The following SGCZ variants were observed in gnomAD, a reference collection of about 807,000 sequenced individuals.
The protein encoded by SGCZ is sarcoglycan zeta.
Under a neutral mutation model 41.3 loss-of-function variants are expected in SGCZ, and 40 were observed. The ratio of observed to expected loss-of-function variants is 0.97; its 90% confidence interval spans 0.75 to 1.26. SGCZ has a LOEUF of 1.26. SGCZ is among the 50% of genes most tolerant of loss of function. The probability of loss-of-function intolerance (pLI) is 0.00; values close to 1 mark genes in which losing one functional copy is unlikely to be tolerated. For missense variants in SGCZ, 552 were observed against 369.8 expected (o/e 1.49, Z -4.04); for synonymous variants, 206 against 137.5 (o/e 1.50, Z -3.49).
chr8:14,977,311 G>A (rs13340563), intron 1 of SGCZ, among the ~76,000 whole-genome samples: 5,304 of 152,180 alleles, frequency 0.035, 309 homozygotes, highest in African/African-American at 0.12. Flanking sequence ...AACAGAGCTT[G>A]GTCAAACAAA....
At chr8:15,204,337 A>G (rs1169816921) in intron 1 of SGCZ, among the ~76,000 whole-genome samples, 1 of 152,230 alleles carries the variant, frequency 6.6e-6, no homozygotes, top group Non-Finnish European at 1.5e-5. Context: ...TATTTTGACA[A>G]CCGTGTGTAG....
At chr8:14,953,373 A>C (rs564670269) in intron 1 of SGCZ, among the ~76,000 whole-genome samples, 2 of 152,238 alleles carry the variant, frequency 1.3e-5, no homozygotes, top group African/African-American at 4.8e-5. Flanking sequence ...GCAAGGGGGA[A>C]ATCTGCCCCC....
chr8:15,068,766 A>G (rs1002957069), intron 1 of SGCZ, among the ~76,000 whole-genome samples: 2 of 152,220 alleles, frequency 1.3e-5, no homozygotes, highest in African/African-American at 4.8e-5. Context: ...ACATTTCCCT[A>G]ATTTAATAAA....
At chr8:14,432,491 G>A (rs574100168) in intron 2 of SGCZ, among the ~76,000 whole-genome samples, 2 of 152,284 alleles carry the variant, frequency 1.3e-5, no homozygotes, top group East Asian at 3.9e-4. Flanking sequence ...ATATGCAAAG[G>A]CATAAGTATG....
intron 2 of SGCZ, among the ~76,000 whole-genome samples, chr8:14,512,575 T>A (rs1292682540): frequency 6.6e-6 from 1 of 152,034 alleles, no homozygotes; most frequent in Non-Finnish European, 1.5e-5. Context: ...ATCTCCTGCC[T>A]CAGCCTCCAG....
At chr8:14,462,846 C>T (rs1800940704) in intron 2 of SGCZ, among the ~76,000 whole-genome samples, 1 of 151,298 alleles carries the variant, frequency 6.6e-6, no homozygotes, top group Non-Finnish European at 1.5e-5. Context: ...CCTTCCAATC[C>T]ATGGGCATAG....
intron 1 of SGCZ, among the ~76,000 whole-genome samples, chr8:15,139,612 C>G (rs1808246573): frequency 6.6e-6 from 1 of 152,164 alleles, no homozygotes; most frequent in Admixed American, 6.5e-5. Flanking sequence ...TTTCACACTT[C>G]TTTTTGTGTG....
intron 4 of SGCZ, among the ~76,000 whole-genome samples, chr8:14,189,089 C>T (rs184623147): frequency 3.1e-4 from 47 of 151,320 alleles, no homozygotes; most frequent in Admixed American, 1.7e-3. Context: ...GAACTCCTGA[C>T]CTCAGGCCAT....
intron 4 of SGCZ, among the ~76,000 whole-genome samples, chr8:14,175,154 A>T (rs1393525353): frequency 6.6e-6 from 1 of 152,138 alleles, no homozygotes; most frequent in East Asian, 1.9e-4. Context: ...GAAGAAAAAA[A>T]TTTTTAAATG....
intron 1 of SGCZ, among the ~76,000 whole-genome samples, chr8:15,139,762 C>A (rs747058051): frequency 2.6e-5 from 4 of 152,106 alleles, no homozygotes; most frequent in Admixed American, 6.6e-5. Context: ...CAGACCTACA[C>A]CTCTCCATTT....
intron 4 of SGCZ, among the ~76,000 whole-genome samples, chr8:14,206,848 C>T (rs906046470): frequency 3.6e-4 from 55 of 152,196 alleles, no homozygotes; most frequent in African/African-American, 1.2e-3. Context: ...TATGCCCCTT[C>T]CCTAAGTTTG....
chr8:14,398,674 C>G lies in SGCZ; in HGVS notation c.235-74470G>C, dbSNP rs1037827193. On this transcript the variant is annotated intron_variant, in intron 2 of 7. Transcript: ENST00000382080. ...GAGGAATCAGAAAAGGAAGTAATTA[C>G]AAAGGGTGCTTGTCAGAAATTCTTC... Among the ~76,000 whole-genome samples the G allele has an allele frequency of 2.0e-5, 3 of 152,108 alleles. No homozygotes were observed. In the South Asian group the frequency reaches 6.2e-4, roughly 32 times the overall value.
chr8:15,023,152 C>T (rs956818306), intron 1 of SGCZ, among the ~76,000 whole-genome samples: 2 of 152,164 alleles, frequency 1.3e-5, no homozygotes, highest in East Asian at 1.9e-4. Context: ...CAGATAATCA[C>T]GCTTGCTGAA....
intron 1 of SGCZ, among the ~76,000 whole-genome samples, chr8:14,663,797 T>C (rs1807826679): frequency 6.6e-6 from 1 of 152,146 alleles, no homozygotes; most frequent in African/African-American, 2.4e-5. Context: ...ACTTGATAAA[T>C]ATTCATGGAC....
chr8:14,621,513 C>G (rs1262197728), intron 1 of SGCZ, among the ~76,000 whole-genome samples: 3 of 151,620 alleles, frequency 2.0e-5, no homozygotes, highest in African/African-American at 7.3e-5. Flanking sequence ...AATACAAACT[C>G]AAAACAAAAA....
At chr8:15,146,712 A>C (rs555564866) in intron 1 of SGCZ, among the ~76,000 whole-genome samples, 2 of 152,332 alleles carry the variant, frequency 1.3e-5, no homozygotes, top group African/African-American at 2.4e-5. Flanking sequence ...TTTCATTATA[A>C]TACCTGTACT....
intron 2 of SGCZ, among the ~76,000 whole-genome samples, chr8:14,472,664 G>A (rs1801246614): frequency 6.6e-6 from 1 of 151,972 alleles, no homozygotes; most frequent in East Asian, 1.9e-4. Flanking sequence ...GGTCTCAAAA[G>A]GCAACATGTA....
intron 2 of SGCZ, among the ~76,000 whole-genome samples, chr8:14,519,272 C>T (rs1041979107): frequency 6.6e-6 from 1 of 152,000 alleles, no homozygotes; most frequent in Non-Finnish European, 1.5e-5. Context: ...CAGTTATGTG[C>T]AGTATCAAAA....
At chr8:14,694,189 C>A (rs1320570053) in intron 1 of SGCZ, among the ~76,000 whole-genome samples, 1 of 152,130 alleles carries the variant, frequency 6.6e-6, no homozygotes, top group Non-Finnish European at 1.5e-5. Context: ...CAAAGGCAAC[C>A]TTCCTTGGTA....
Sources: allele counts gnomAD v4.1 joint callset (sites outside exome capture counted in the v4.1 genomes callset), GRCh38; gene constraint gnomAD v4.1.1; transcripts MANE v1.5; gene names NCBI Gene and HGNC (gene_info 2026-07-23, HGNC 2026-07-21).